VTCN1: variants seen among roughly 807,000 people sequenced by gnomAD.
VTCN1 encodes the protein V-set domain containing T cell activation inhibitor 1, also known as V-set domain-containing T-cell activation inhibitor 1.
VTCN1 carries 26 observed loss-of-function variants against 26.5 expected under a neutral mutation model. The observed-to-expected ratio is 0.98, with a 90% CI of 0.72 to 1.36. VTCN1 has a LOEUF of 1.36. Among genes scored for constraint, VTCN1 ranks in the 40% most tolerant of loss-of-function variants. The pLI, the probability that VTCN1 is intolerant of heterozygous loss-of-function variation, is 0.00. For synonymous variants in VTCN1, 116 were observed against 130.7 expected, an observed-to-expected ratio of 0.89 and a Z score of 0.77; for missense variants, 298 against 337.7, an observed-to-expected ratio of 0.88 and a Z score of 0.92.
intron 2 of VTCN1, among the ~76,000 whole-genome samples, chr1:117,158,313 A>C (rs528617268): frequency 2.0e-4 from 31 of 152,220 alleles, no homozygotes; most frequent in Non-Finnish European, 4.6e-4. Flanking sequence ...CTGCCTGGGC[A>C]TCCAGGCATT....
Position 117,153,375 on chromosome 1 carries a change from G to A in VTCN1, c.446-6C>T. The A allele has an allele frequency of 2.5e-6, 4 of 1,597,494 alleles. No homozygotes were observed. The highest frequency in any genetic ancestry group is 3.4e-6 in the Non-Finnish European group (4 of 1,168,086). On this transcript the variant is annotated splice_polypyrimidine_tract_variant and splice_region_variant and intron_variant, in intron 3 of 5. Coordinates refer to ENST00000369458, the MANE Select transcript of VTCN1 (RefSeq NM_024626.4). ...CACTTCCGGCATGCTGAAGGCTGCA[G>A]GGTCAAAAGTCAGAAAGGGCAGATG...
At chr1:117,163,790 C>A (rs1652482556) in intron 2 of VTCN1, among the ~76,000 whole-genome samples, 1 of 152,178 alleles carries the variant, frequency 6.6e-6, no homozygotes, top group South Asian at 2.1e-4. Context: ...GATATCCCTA[C>A]TTCACTTAAA....
intron 2 of VTCN1, among the ~76,000 whole-genome samples, chr1:117,168,200 A>C (rs948140101): frequency 1.3e-5 from 2 of 152,220 alleles, no homozygotes; most frequent in African/African-American, 4.8e-5. Context: ...GAAAAGAAAT[A>C]AATTAACATA....
intron 1 of VTCN1, among the ~76,000 whole-genome samples, chr1:117,206,683 C>G (rs1649090927): frequency 1.3e-5 from 1 of 74,794 alleles, no homozygotes; most frequent in Non-Finnish European, 3.1e-5. Context: ...TTGATGCTGA[C>G]TATGAACATA....
At chr1:117,195,262 A>AAATAATAATAAT (rs61710825) in intron 1 of VTCN1, among the ~76,000 whole-genome samples, 194 of 142,498 alleles carry the variant, frequency 1.4e-3, no homozygotes, top group Middle Eastern at 3.8e-3. Flanking sequence ...CTCCGTCTCA[A>AAATAATAATAAT]AATAATAATA....
intron 1 of VTCN1, chr1:117,203,842 G>A (rs1648912442): frequency 1.1e-6 from 1 of 945,998 alleles, no homozygotes; most frequent in Non-Finnish European, 1.3e-6. Flanking sequence ...ACCAGGCCCT[G>A]CCCCCAGAAT....
At chr1:117,153,485 T>C in intron 3 of VTCN1, 116 bp from the exon 4 acceptor site, 2 of 1,161,834 alleles carry the variant, frequency 1.7e-6, no homozygotes, top group South Asian at 1.7e-5. Context: ...TTTTTTATCA[T>C]TGAAGCCACT....
At chr1:117,163,257 T>A (rs186371664) in intron 2 of VTCN1, among the ~76,000 whole-genome samples, 1 of 152,314 alleles carries the variant, frequency 6.6e-6, no homozygotes, top group African/African-American at 2.4e-5. Flanking sequence ...GCTGCCTGGG[T>A]TGAAGTCCCA....
At chr1:117,150,221 T>TGGG (rs1287885742) in intron 4 of VTCN1, among the ~76,000 whole-genome samples, 1 of 152,168 alleles carries the variant, frequency 6.6e-6, no homozygotes, top group East Asian at 1.9e-4. Flanking sequence ...AAGTCCTTCT[T>TGGG]GGGAATGTAG....
Position 117,169,792 on chromosome 1 carries a change from G to A in VTCN1, c.97+315C>T, listed in dbSNP as rs1289133109. On this transcript the variant is annotated intron_variant, in intron 2 of 5. Transcript: ENST00000369458. This position sits in a 1 kb window ranked among gnomAD's most constrained non-coding sequence, Gnocchi z 4.0. ...TGCCTGTAGTCCTAGCTACTTGGGA[G>A]GCTGAGGTGAGAGGATGGCTTGAAC... 1.3e-5 allele frequency among the ~76,000 whole-genome samples: 2 copies of A among 152,104 alleles called. No homozygotes were observed. Among genetic ancestry groups the A allele is most frequent in the African/African-American group, 4.8e-5 (2 of 41,434 alleles).
chr1:117,207,533 G>A (rs1023683957), intron 1 of VTCN1, among the ~76,000 whole-genome samples: 4 of 151,696 alleles, frequency 2.6e-5, no homozygotes, highest in African/African-American at 4.8e-5. Flanking sequence ...CATGCTCTCC[G>A]TAGGAGCCAC....
chr1:117,163,145 T>C (rs1652455450), intron 2 of VTCN1, among the ~76,000 whole-genome samples: 1 of 152,170 alleles, frequency 6.6e-6, no homozygotes, highest in South Asian at 2.1e-4. Context: ...GAACAGTTGC[T>C]TCCGTGAGAA....
chr1:117,153,370 C>T lies in VTCN1; in HGVS notation c.446-1G>A, dbSNP rs781243393. 4 of 1,600,150 alleles carry T rather than the reference C, an allele frequency of 2.5e-6. No homozygotes were observed. The African/African-American group carries it at 5.4e-5, about 21-fold the overall frequency. On this transcript the variant is annotated splice_acceptor_variant, in intron 3 of 5. Transcript: ENST00000369458. LOFTEE classifies it high-confidence loss of function. ...ACATTCACTTCCGGCATGCTGAAGG[C>T]TGCAGGGTCAAAAGTCAGAAAGGGC...
chr1:117,201,928 A>G (rs1648810015), intron 1 of VTCN1, among the ~76,000 whole-genome samples: 1 of 152,200 alleles, frequency 6.6e-6, no homozygotes, highest in African/African-American at 2.4e-5. Flanking sequence ...GTGAAATCAA[A>G]TCTCAGCTTC....
At chr1:117,209,877 T>G (rs1649273730) in intron 1 of VTCN1, among the ~76,000 whole-genome samples, 1 of 152,234 alleles carries the variant, frequency 6.6e-6, no homozygotes, top group Non-Finnish European at 1.5e-5. Context: ...ATTACTCTCG[T>G]AGTCTCTTCA....
chr1:117,208,764 A>C (rs1382828245), intron 1 of VTCN1, among the ~76,000 whole-genome samples: 1 of 152,190 alleles, frequency 6.6e-6, no homozygotes, highest in East Asian at 1.9e-4. Flanking sequence ...GCACATCAGC[A>C]TTCCATCCCT....
rs898246761 is a variant in VTCN1 at position 117,144,603 on chromosome 1, T to C, written c.*668A>G. On this transcript the variant is annotated 3_prime_UTR_variant, in exon 6 of 6. Transcript: ENST00000369458. ...AAAAAGAAGGTGCTCAGTTTATTTATAAAATCGGTGTCGCCGACTGCTCTG... is the reference window on the plus strand; with the variant it reads ...AAAAAGAAGGTGCTCAGTTTATTTACAAAATCGGTGTCGCCGACTGCTCTG... 7.2e-5 allele frequency: 11 copies of C among 152,434 alleles called. No individual in the cohort carries two copies. The highest frequency in any genetic ancestry group is 2.6e-4 in the African/African-American group (11 of 41,582). 9.4% of individuals were successfully genotyped at this position (152,434 alleles called of 1,614,324 possible).
chr1:117,154,704 A>C (rs1217363314), intron 3 of VTCN1, among the ~76,000 whole-genome samples: 6 of 148,746 alleles, frequency 4.0e-5, no homozygotes, highest in Non-Finnish European at 5.9e-5. Context: ...AATCACTTGA[A>C]CCTGGGAGGC....
At chr1:117,174,493 G>T (rs368029970) in intron 1 of VTCN1, among the ~76,000 whole-genome samples, 1 of 152,162 alleles carries the variant, frequency 6.6e-6, no homozygotes, top group South Asian at 2.1e-4. Flanking sequence ...CAGGCCAGGC[G>T]CGGTGACTCA....
Sources: gnomAD v4.1 joint callset for allele counts (sites outside exome capture counted in the v4.1 genomes callset) on GRCh38, gnomAD v4.1.1 for gene constraint, Gnocchi (gnomAD v3.1) non-coding constraint, MANE v1.5 for transcripts, NCBI Gene and HGNC (gene_info 2026-07-23, HGNC 2026-07-21) for gene names.